Variants in DOCK6 observed in about 807,000 individuals in gnomAD.
DOCK6 encodes the protein dedicator of cytokinesis protein 6.
DOCK6 carries 167 observed loss-of-function variants against 230.3 expected under a neutral mutation model. The ratio of observed to expected loss-of-function variants is 0.73; its 90% CI spans 0.64 to 0.82. The LOEUF (loss-of-function observed/expected upper bound fraction) is 0.82, where lower values mean the gene tolerates loss of function less well. Ranked by LOEUF, DOCK6 falls within the 40% of genes least tolerant of loss-of-function variation. DOCK6 has a pLI of 0.00. For missense variants in DOCK6, 2,598 were observed against 2,825.8 expected (o/e 0.92, Z 1.83); for synonymous variants, 1,148 against 1,185.0 (o/e 0.97, Z 0.64).
chr19:11,216,954 A>G lies in DOCK6; in HGVS notation c.3854T>C (p.Leu1285Ser). ...AGCTAGGCAAAGGTACAGCAAATCCAACAGACGTCCCAGCTGGGGGAGTGT... is the reference window on the plus strand; with the variant it reads ...AGCTAGGCAAAGGTACAGCAAATCCGACAGACGTCCCAGCTGGGGGAGTGT... ...DLTLPQLGRL[L>S]DLLYLCLAAF... Residue 1285 changes from leucine (L) to serine (S), a missense_variant, in exon 30 of 48, where the codon TTG (leucine) becomes TCG (serine). Physicochemically the swap from Leu to Ser is moderately radical, Grantham distance 145 (BLOSUM62 -2). Transcript: ENST00000294618. 6.2e-7 allele frequency: 1 copy of G among 1,613,772 alleles called. No individual in the cohort carries two copies. The highest frequency in any genetic ancestry group is 8.5e-7 in the Non-Finnish European group (1 of 1,179,886).
intron 22 of DOCK6, among the ~76,000 whole-genome samples, chr19:11,230,541 T>C (rs936928250): frequency 2.0e-5 from 3 of 151,802 alleles, no homozygotes; most frequent in Non-Finnish European, 4.4e-5. Flanking sequence ...CAAGAATGTG[T>C]GTGGCCAGAG....
Position 11,199,497 on chromosome 19 carries a change from T to C in DOCK6, c.6144A>G (p.Ter2048TrpextTer9). ...NRASFRKADL* is the reference protein window; with the variant it reads ...NRASFRKADLW ...AGGTACAGCTTTGGTCCTTGTGGGC[T>C]CAGAGGTCTGCCTTTCGGAAACTTG... is the stretch of plus-strand genomic sequence containing the variant. The change falls in exon 48 of 48, where the codon TGA (stop) becomes TGG (tryptophan). Residue 2048 changes from the stop codon to tryptophan (W), a stop_lost. Transcript: ENST00000294618. 6.3e-7 allele frequency: 1 copy of C among 1,582,460 alleles called. No homozygotes were observed. Among genetic ancestry groups the C allele is most frequent in the South Asian group, 1.2e-5 (1 of 86,108 alleles).
chr19:11,253,600 G>T, intron 2 of DOCK6, 39 bp downstream of exon 2: 1 of 1,264,372 alleles, frequency 7.9e-7, no homozygotes, highest in Non-Finnish European at 1.0e-6. Flanking sequence ...CTGTCTGAGA[G>T]AGGGCAGAGG....
intron 28 of DOCK6, among the ~76,000 whole-genome samples, chr19:11,219,682 C>T (rs888156478): frequency 1.3e-5 from 2 of 150,736 alleles, no homozygotes; most frequent in East Asian, 2.1e-4. Flanking sequence ...CCCAGCTACT[C>T]GGGAGGCTGA....
Position 11,199,491 on chromosome 19 carries a change from G to C in DOCK6, c.*6C>G. The C allele has an allele frequency of 1.9e-6, 3 of 1,580,418 alleles. No homozygotes were observed. The highest frequency in any genetic ancestry group is 2.6e-6 in the Non-Finnish European group (3 of 1,163,052). On this transcript the variant is annotated 3_prime_UTR_variant, in exon 48 of 48. Coordinates refer to ENST00000294618, the MANE Select transcript of DOCK6 (RefSeq NM_020812.4). ...TCCTCTAGGTACAGCTTTGGTCCTT[G>C]TGGGCTCAGAGGTCTGCCTTTCGGA...
At chr19:11,257,570 T>G (rs1599296719) in intron 1 of DOCK6, among the ~76,000 whole-genome samples, 1 of 144,712 alleles carries the variant, frequency 6.9e-6, no homozygotes, top group African/African-American at 2.5e-5. Context: ...GGGCAGATCA[T>G]CTGAGGTCAG....
chr19:11,226,369 CG>C (rs1241335849), intron 24 of DOCK6, among the ~76,000 whole-genome samples: 66 of 152,228 alleles, frequency 4.3e-4, no homozygotes, highest in African/African-American at 1.4e-3. Flanking sequence ...TTTAATGATA[CG>C]ATCCAAGGCC....
chr19:11,211,087 C>G (rs1238369978), intron 37 of DOCK6, among the ~76,000 whole-genome samples: 1 of 151,790 alleles, frequency 6.6e-6, no homozygotes, highest in East Asian at 1.9e-4. Flanking sequence ...TGCAGCATCT[C>G]CCCGCTTCCT....
intron 14 of DOCK6, among the ~76,000 whole-genome samples, chr19:11,239,238 G>T (rs1348980314): frequency 1.3e-5 from 2 of 152,170 alleles, no homozygotes; most frequent in Non-Finnish European, 2.9e-5. Context: ...CAAGTATGTG[G>T]GAGGGGAACA....
In DOCK6 at chr19:11,208,694, A is replaced by G. The variant is rs2079306587; in HGVS notation, c.5080T>C (p.Phe1694Leu). The change falls in exon 39 of 48, where the codon TTC becomes CTC. Residue 1694 changes from phenylalanine (F) to leucine (L), a missense_variant. Transcript: ENST00000294618. ...AGTCCCCAAGGCCTCACCATGGTGA[A>G]GTAGCCGGCTGCCTGTTCCAGCAAC... ...VGLLEQAAGY[F>L]TMGGLYEAVN... 6.2e-7 allele frequency: 1 copy of G among 1,610,838 alleles called. No individual in the cohort carries two copies. Among genetic ancestry groups the G allele is most frequent in the African/African-American group, 1.3e-5 (1 of 74,884 alleles).
intron 37 of DOCK6, among the ~76,000 whole-genome samples, 180 bp downstream of exon 37, chr19:11,211,595 AC>A (rs1568674949): frequency 1.1e-4 from 2 of 18,954 alleles, no homozygotes; most frequent in Non-Finnish European, 2.7e-4. Flanking sequence ...CTGTCTGCTC[AC>A]CTGTCCCCCT....
chr19:11,245,129 G>T (rs1235148743), intron 9 of DOCK6, among the ~76,000 whole-genome samples: 2 of 152,194 alleles, frequency 1.3e-5, no homozygotes, highest in Non-Finnish European at 2.9e-5. Context: ...GACCATAGCA[G>T]CACCTGCCTG....
At chr19:11,210,209 T>G (rs1400471009) in intron 37 of DOCK6, among the ~76,000 whole-genome samples, 3 of 107,374 alleles carry the variant, frequency 2.8e-5, no homozygotes, top group African/African-American at 1.1e-4. Context: ...TGTCCCCTCA[T>G]CTGTCCACCC....
chr19:11,208,831 TG>T lies in DOCK6; in HGVS notation c.4945-3del. 1 of 1,611,696 alleles carries T rather than the reference TG, an allele frequency of 6.2e-7. No individual in the cohort carries two copies. Among genetic ancestry groups the T allele is most frequent in the Non-Finnish European group, 8.5e-7 (1 of 1,178,094 alleles). On this transcript the variant is annotated splice_region_variant and splice_polypyrimidine_tract_variant and intron_variant, in intron 38 of 47. Transcript: ENST00000294618. ...CTCTAGCACGTTGGATGAGATGTTC[TG>T]GGGTGGGAGAGGTGGCGTCAGACCC...
rs764914767 is a variant in DOCK6, at chr19:11,233,294, G to T, written c.2627C>A (p.Ala876Glu). 2 of 1,613,906 alleles carry T rather than the reference G, an allele frequency of 1.2e-6. No individual in the cohort carries two copies. The highest frequency in any genetic ancestry group is 1.7e-6 in the Non-Finnish European group (2 of 1,179,870). ...GCTGCTGCTGATGCTCTTGGAACGC[G>T]CCAGGTAGAGGCTTGCGGGGCGACC... is the stretch of plus-strand genomic sequence containing the variant. ...GSGRPASLYL[A>E]RSKSISSSNP... The change falls in exon 22 of 48, where the codon GCG becomes GAG. Residue 876 changes from alanine to glutamate, a missense_variant. Transcript: ENST00000294618.
intron 24 of DOCK6, among the ~76,000 whole-genome samples, chr19:11,226,123 G>A (rs192163362): frequency 2.0e-5 from 3 of 152,206 alleles, no homozygotes; most frequent in Admixed American, 2.0e-4. Context: ...TTGAGTGATG[G>A]TCACCCCTGT....
At chr19:11,257,528 C>T (rs548512160) in intron 1 of DOCK6, among the ~76,000 whole-genome samples, 97 of 144,728 alleles carry the variant, frequency 6.7e-4, no homozygotes, top group Middle Eastern at 4.0e-3. Flanking sequence ...GTGGCTTATG[C>T]CTGTAATCCC....
At chr19:11,224,790 C>T (rs2079638491) in intron 24 of DOCK6, among the ~76,000 whole-genome samples, 1 of 152,120 alleles carries the variant, frequency 6.6e-6, no homozygotes, top group Non-Finnish European at 1.5e-5. Flanking sequence ...CCCGGCCAGG[C>T]ATGGTGGCTC....
At position 11,227,351 on chromosome 19, in the gene DOCK6, T is replaced by C; in HGVS notation, c.2941A>G (p.Thr981Ala). Reference protein sequence around the residue: ...LVGSVGLEVITRVHKDVELAE... With the variant: ...LVGSVGLEVIARVHKDVELAE... The stretch of plus-strand genomic sequence containing the variant: ...GCATCTCTCACCTTGTGGACACGGG[T>C]GATGACCTCCAGGCCCACAGAGCCC... Residue 981 changes from threonine (T) to alanine (A), a missense_variant, in exon 24 of 48, where the codon ACC (threonine) becomes GCC (alanine). Coordinates refer to ENST00000294618, the MANE Select transcript of DOCK6 (RefSeq NM_020812.4). 6.2e-7 allele frequency: 1 copy of C among 1,613,740 alleles called. No individual in the cohort carries two copies. The highest frequency in any genetic ancestry group is 8.5e-7 in the Non-Finnish European group (1 of 1,179,850).
Sources: gnomAD v4.1 joint callset for allele counts (sites outside exome capture counted in the v4.1 genomes callset) on GRCh38, gnomAD v4.1.1 for gene constraint, MANE v1.5 for transcripts, NCBI Gene and HGNC (gene_info 2026-07-23, HGNC 2026-07-21) for gene names.